Variants in ULK4 observed in about 807,000 individuals in gnomAD.
ULK4 encodes inactive serine/threonine-protein kinase ULK4.
Under a neutral mutation model 160.6 loss-of-function variants are expected in ULK4, and 133 were observed. The ratio of observed to expected loss-of-function variants is 0.83; its 90% CI spans 0.72 to 0.96. The LOEUF is 0.96. Among genes scored for constraint, ULK4 ranks in the 40% least tolerant of loss-of-function variants. The pLI is 0.00. For synonymous variants in ULK4, 534 were observed against 539.8 expected, an observed-to-expected ratio of 0.99 and a Z score of 0.15; for missense variants, 1,580 against 1,499.5, an observed-to-expected ratio of 1.05 and a Z score of -0.89.
intron 35 of ULK4, among the ~76,000 whole-genome samples, chr3:41,348,206 C>CAAAAAAAA (rs1197234650): frequency 3.5e-4 from 8 of 22,964 alleles, no homozygotes; most frequent in African/African-American, 1.0e-3. Context: ...AACTCTGTCT[C>CAAAAAAAA]AAAAAAAAAA....
chr3:41,541,961 A>G lies in ULK4; in HGVS notation c.3226+24064T>C, dbSNP rs570446606. Among the ~76,000 whole-genome samples the G allele has an allele frequency of 2.0e-4, 31 of 152,310 alleles. No individual in the cohort carries two copies. The East Asian group carries it at 5.6e-3, about 27-fold the overall frequency. On this transcript the variant is annotated intron_variant, in intron 32 of 36. Coordinates refer to ENST00000301831, the MANE Select transcript of ULK4 (RefSeq NM_017886.4). ...TAAATATACTATCATGTCATCTGCA[A>G]ACAGAGACAGTTTGACTTTCTCTTT...
intron 17 of ULK4, among the ~76,000 whole-genome samples, chr3:41,850,659 G>GTTTGT (rs146470299): frequency 2.0e-5 from 3 of 151,780 alleles, no homozygotes; most frequent in African/African-American, 4.8e-5. Context: ...TGATGGGGTT[G>GTTTGT]TTTTTTTCTT....
At chr3:41,805,322 T>C (rs920603602) in intron 19 of ULK4, among the ~76,000 whole-genome samples, 17 of 152,140 alleles carry the variant, frequency 1.1e-4, no homozygotes, top group African/African-American at 3.6e-4. Flanking sequence ...GTGATTTTTG[T>C]ACATTGATTT....
chr3:41,251,889 C>T (rs1039521805), intron 35 of ULK4, among the ~76,000 whole-genome samples: 9 of 152,172 alleles, frequency 5.9e-5, no homozygotes, highest in Non-Finnish European at 8.8e-5. Context: ...TCAAGAAGAG[C>T]TTAGTAAAGT....
At chr3:41,387,968 G>C (rs1441477703) in intron 35 of ULK4, among the ~76,000 whole-genome samples, 2 of 152,174 alleles carry the variant, frequency 1.3e-5, no homozygotes, top group African/African-American at 4.8e-5. Context: ...CACAATGGTT[G>C]AACTAGTTTA....
At chr3:41,840,108 A>G (rs2041866820) in intron 17 of ULK4, among the ~76,000 whole-genome samples, 1 of 152,208 alleles carries the variant, frequency 6.6e-6, no homozygotes, top group Non-Finnish European at 1.5e-5. Context: ...CAAAAGAATT[A>G]GAACAGCCAA....
intron 32 of ULK4, among the ~76,000 whole-genome samples, chr3:41,468,562 T>C (rs112061519): frequency 1.9e-4 from 29 of 152,336 alleles, no homozygotes; most frequent in African/African-American, 6.7e-4. Context: ...TCAGCAACTA[T>C]CCACAGATAT....
intron 31 of ULK4, among the ~76,000 whole-genome samples, chr3:41,607,534 T>A (rs1379407670): frequency 6.6e-6 from 1 of 152,164 alleles, no homozygotes; most frequent in Non-Finnish European, 1.5e-5. Context: ...TATAAAGGTA[T>A]CACCCTTTGA....
chr3:41,597,341 G>A (rs1160389466), intron 31 of ULK4, among the ~76,000 whole-genome samples: 1 of 152,170 alleles, frequency 6.6e-6, no homozygotes, highest in South Asian at 2.1e-4. Context: ...GAGATACATT[G>A]GTGGCTTTTT....
rs181357208 is a variant in ULK4, at chr3:41,953,469, A to G, written c.138+1153T>C. On this transcript the variant is annotated intron_variant, in intron 2 of 36. Transcript: ENST00000301831. ...AGGTGTGCACTACCACGCCCAGCTA[A>G]TTTTAGTATTTTTAGTAGAGACGGG... Among the ~76,000 whole-genome samples, 1,324 of 151,512 alleles carry G rather than the reference A, an allele frequency of 8.7e-3. 20 individuals carry two copies. Among genetic ancestry groups the G allele is most frequent in the African/African-American group, 0.031 (1,274 of 41,340 alleles).
chr3:41,558,594 C>T (rs1406263648), intron 32 of ULK4, among the ~76,000 whole-genome samples: 1 of 151,722 alleles, frequency 6.6e-6, no homozygotes, highest in African/African-American at 2.4e-5. Context: ...ATCCCAGCTA[C>T]TCGGGAGGCT....
At position 41,570,707 on chromosome 3, in the gene ULK4, T is replaced by G. The variant is rs144535631; in HGVS notation, c.3121-4577A>C. ...CTCATTCTGAAGCCAATACTCCAGC[T>G]TTTCCTGTACTCATGAGTGAGTGCC... On this transcript the variant is annotated intron_variant, in intron 31 of 36. Coordinates refer to ENST00000301831, the MANE Select transcript of ULK4 (RefSeq NM_017886.4). Among the ~76,000 whole-genome samples, 18 of 152,306 alleles carry G rather than the reference T, an allele frequency of 1.2e-4. No homozygotes were observed. In the East Asian group the frequency reaches 3.5e-3, roughly 29 times the overall value.
intron 32 of ULK4, among the ~76,000 whole-genome samples, chr3:41,484,331 G>A (rs2084431035): frequency 1.3e-5 from 2 of 151,992 alleles, no homozygotes; most frequent in South Asian, 4.2e-4. Flanking sequence ...CTCATTTTTG[G>A]TCAAAATGGG....
chr3:41,943,321 C>G (rs572682900), intron 2 of ULK4, among the ~76,000 whole-genome samples: 120 of 152,038 alleles, frequency 7.9e-4, no homozygotes, highest in Admixed American at 2.6e-3. Context: ...TTGTGGCCCC[C>G]ATTATATTTT....
rs2082497775 is a variant in ULK4 at position 41,415,259 on chromosome 3, A to C, written c.3493-16995T>G. Reference sequence around the variant, plus strand: ...AATGCTAGGATGCTGAGTTCTGTAGAAAAGCTCTGGCCTGATCCTGTCTTT... The same window carrying C: ...AATGCTAGGATGCTGAGTTCTGTAGCAAAGCTCTGGCCTGATCCTGTCTTT... On this transcript the variant is annotated intron_variant, in intron 34 of 36. Transcript: ENST00000301831. Among the ~76,000 whole-genome samples, 3 of 152,162 alleles carry C rather than the reference A, an allele frequency of 2.0e-5. No homozygotes were observed. In the South Asian group the frequency reaches 6.2e-4, roughly 32 times the overall value.
chr3:41,582,818 T>A (rs2030481029), intron 31 of ULK4, among the ~76,000 whole-genome samples: 1 of 152,240 alleles, frequency 6.6e-6, no homozygotes, highest in South Asian at 2.1e-4. Context: ...TATTACTGAT[T>A]CTATTATTGT....
At chr3:41,285,493 G>C (rs890034730) in intron 35 of ULK4, among the ~76,000 whole-genome samples, 1 of 152,178 alleles carries the variant, frequency 6.6e-6, no homozygotes, top group Non-Finnish European at 1.5e-5. Context: ...CTCAGGAATG[G>C]AAAACCAAAC....
At chr3:41,470,431 C>G (rs555994539) in intron 32 of ULK4, among the ~76,000 whole-genome samples, 1 of 152,092 alleles carries the variant, frequency 6.6e-6, no homozygotes, top group Non-Finnish European at 1.5e-5. Flanking sequence ...CAAATGCTAA[C>G]GGAATTCATC....
intron 35 of ULK4, among the ~76,000 whole-genome samples, chr3:41,349,873 A>G (rs543080938): frequency 7.9e-5 from 12 of 152,196 alleles, no homozygotes; most frequent in Non-Finnish European, 1.6e-4. Context: ...TTTTTCCCCT[A>G]TAAATATCAC....
Sources: allele counts gnomAD v4.1 joint callset (sites outside exome capture counted in the v4.1 genomes callset), GRCh38; gene constraint gnomAD v4.1.1; transcripts MANE v1.5; gene names NCBI Gene and HGNC (gene_info 2026-07-23, HGNC 2026-07-21).